Variants in B3GALT1 observed in about 807,000 individuals in gnomAD.
B3GALT1 encodes beta-1,3-galactosyltransferase 1.
B3GALT1 carries 10 observed loss-of-function variants against 23.2 expected under a neutral mutation model. The observed-to-expected ratio is 0.43, with a 90% confidence interval of 0.27 to 0.73. The LOEUF is 0.73. Ranked by LOEUF, B3GALT1 falls within the 30% of genes least tolerant of loss-of-function variation. B3GALT1 has a pLI of 0.21. For missense variants in B3GALT1, 299 were observed against 405.4 expected (o/e 0.74, Z 2.25); for synonymous variants, 156 against 141.5 (o/e 1.10, Z -0.73).
intron 1 of B3GALT1, among the ~76,000 whole-genome samples, chr2:167,406,302 A>G (rs1262467351): frequency 2.6e-5 from 4 of 152,188 alleles, no homozygotes; most frequent in Non-Finnish European, 2.9e-5. Flanking sequence ...AAATGGCAGT[A>G]TAGAAGCAAG....
At chr2:167,473,741 A>C (rs749998066) in intron 1 of B3GALT1, among the ~76,000 whole-genome samples, 9 of 152,242 alleles carry the variant, frequency 5.9e-5, no homozygotes, top group Middle Eastern at 6.8e-3. Context: ...GTTTGGGGTT[A>C]ATTTAGGAGG....
At chr2:167,521,381 T>G (rs1700185231) in intron 2 of B3GALT1, among the ~76,000 whole-genome samples, 1 of 152,156 alleles carries the variant, frequency 6.6e-6, no homozygotes, top group Non-Finnish European at 1.5e-5. Context: ...GTAGCCTACT[T>G]TTTCCCATTT....
At chr2:167,679,082 C>A (rs151031293) in intron 3 of B3GALT1, among the ~76,000 whole-genome samples, 29 of 151,444 alleles carry the variant, frequency 1.9e-4, no homozygotes, top group African/African-American at 6.3e-4. Flanking sequence ...TCTTTTTCCC[C>A]AACATTGTTT....
At chr2:167,449,358 C>G (rs564371572) in intron 1 of B3GALT1, among the ~76,000 whole-genome samples, 4 of 152,128 alleles carry the variant, frequency 2.6e-5, no homozygotes, top group African/African-American at 7.2e-5. Context: ...GTTTTTGAAG[C>G]TATTGTAAAA....
At chr2:167,829,156 T>C (rs575090494) in intron 4 of B3GALT1, among the ~76,000 whole-genome samples, 50 of 152,316 alleles carry the variant, frequency 3.3e-4, no homozygotes, top group African/African-American at 1.1e-3. Context: ...CTACTCACTA[T>C]ATCAGACATT....
intron 4 of B3GALT1, among the ~76,000 whole-genome samples, chr2:167,860,750 C>G (rs1690082842): frequency 6.6e-6 from 1 of 152,110 alleles, no homozygotes; most frequent in Non-Finnish European, 1.5e-5. Flanking sequence ...TTGAGTTTCT[C>G]AACTAATCTG....
At chr2:167,807,833 G>C (rs1267779373) in intron 3 of B3GALT1, among the ~76,000 whole-genome samples, 1 of 152,172 alleles carries the variant, frequency 6.6e-6, no homozygotes, top group Non-Finnish European at 1.5e-5. Context: ...TATTAGGTCT[G>C]CTTGGTGCAG....
At chr2:167,511,206 A>T (rs932987070) in intron 2 of B3GALT1, among the ~76,000 whole-genome samples, 1 of 152,196 alleles carries the variant, frequency 6.6e-6, no homozygotes, top group Non-Finnish European at 1.5e-5. Flanking sequence ...AATTAAAACG[A>T]TATGGAAAAT....
intron 3 of B3GALT1, among the ~76,000 whole-genome samples, chr2:167,680,468 G>A (rs982661114): frequency 1.0e-5 from 1 of 95,874 alleles, no homozygotes; most frequent in Non-Finnish European, 2.6e-5. Context: ...ATCTCCTGGT[G>A]GTTTGCATGA....
rs372598411 is a variant in B3GALT1, at chr2:167,505,932, C to T, written c.-410+15655C>T. ...AAAATTAGCTGGGCGTGGTGGCGGG[C>T]TCCTGTAGTCCCGGCTACTTGGGAG... On this transcript the variant is annotated intron_variant, in intron 2 of 4. Transcript: ENST00000392690. Among the ~76,000 whole-genome samples, 37 of 152,106 alleles carry T rather than the reference C, an allele frequency of 2.4e-4. 1 individual carries two copies. The South Asian group carries it at 7.3e-3, about 30-fold the overall frequency.
chr2:167,499,530 T>C (rs1200165809), intron 2 of B3GALT1, among the ~76,000 whole-genome samples: 2 of 152,226 alleles, frequency 1.3e-5, no homozygotes, highest in African/African-American at 2.4e-5. Context: ...ATTGAATTTC[T>C]ATATTTGATG....
At chr2:167,558,324 G>C (rs1008551473) in intron 2 of B3GALT1, 1 of 152,232 alleles carries the variant, frequency 6.6e-6, no homozygotes. Flanking sequence ...AATAACAGAG[G>C]AGCCAAGATG....
chr2:167,780,021 A>G (rs566854415), intron 3 of B3GALT1, among the ~76,000 whole-genome samples: 1 of 152,348 alleles, frequency 6.6e-6, no homozygotes, highest in South Asian at 2.1e-4. Flanking sequence ...GTTAACTGCC[A>G]AGGTCTATTT....
chr2:167,658,921 A>G (rs1465099394), intron 3 of B3GALT1, among the ~76,000 whole-genome samples: 1 of 152,108 alleles, frequency 6.6e-6, no homozygotes, highest in Non-Finnish European at 1.5e-5. Flanking sequence ...AACAGACCTA[A>G]GACTATATGA....
At chr2:167,535,985 G>A (rs1227300749) in intron 2 of B3GALT1, among the ~76,000 whole-genome samples, 1 of 152,068 alleles carries the variant, frequency 6.6e-6, no homozygotes, top group Admixed American at 6.5e-5. Flanking sequence ...GTGCAGTGGC[G>A]TGATCATGGC....
At chr2:167,853,852 G>A (rs913817000) in intron 4 of B3GALT1, among the ~76,000 whole-genome samples, 5 of 152,106 alleles carry the variant, frequency 3.3e-5, no homozygotes, top group Admixed American at 1.3e-4. Flanking sequence ...ATTCACCTAG[G>A]GGGAGGGCGT....
chr2:167,758,194 A>G (rs1233407972), intron 3 of B3GALT1, among the ~76,000 whole-genome samples: 1 of 152,064 alleles, frequency 6.6e-6, no homozygotes, highest in Non-Finnish European at 1.5e-5. Flanking sequence ...ACATATAACA[A>G]TATCCCAGGA....
intron 2 of B3GALT1, among the ~76,000 whole-genome samples, chr2:167,543,449 G>A (rs557054099): frequency 1.3e-5 from 2 of 152,182 alleles, no homozygotes; most frequent in East Asian, 3.9e-4. Flanking sequence ...GAAGATATAA[G>A]GTATGCTGGG....
At chr2:167,430,927 A>G (rs1380715543) in intron 1 of B3GALT1, among the ~76,000 whole-genome samples, 1 of 152,212 alleles carries the variant, frequency 6.6e-6, no homozygotes, top group East Asian at 1.9e-4. Context: ...TAAAGCAAGG[A>G]TAAAATTTAG....
Sources: allele counts gnomAD v4.1 joint callset (sites outside exome capture counted in the v4.1 genomes callset), GRCh38; gene constraint gnomAD v4.1.1; transcripts MANE v1.5; gene names NCBI Gene and HGNC (gene_info 2026-07-23, HGNC 2026-07-21).